GNAI1: variants seen among roughly 807,000 people sequenced by gnomAD.
The protein encoded by GNAI1 is guanine nucleotide-binding protein G(i) subunit alpha-1.
Under a neutral mutation model 38.9 loss-of-function variants are expected in GNAI1, and 11 were observed. That is an observed-to-expected ratio of 0.28 (90% CI 0.18 to 0.47). The LOEUF is 0.47. Among genes scored for constraint, GNAI1 ranks in the 20% least tolerant of loss-of-function variants. GNAI1 has a pLI of 0.99. For missense variants in GNAI1, 317 were observed against 436.9 expected, an observed-to-expected ratio of 0.73 and a Z score of 2.45; for synonymous variants, 166 against 145.1, an observed-to-expected ratio of 1.14 and a Z score of -1.04.
rs1789057892 is a variant in GNAI1 at position 80,220,715 on chromosome 7, A to T, written c.*3222A>T. ...CCATATGTTCTCATTGAATACTGAC[A>T]GTAACTAGAGATCAAAAAAGGCTTA... On this transcript the variant is annotated 3_prime_UTR_variant, in exon 8 of 8. Transcript: ENST00000649796. 6.6e-6 allele frequency among the ~76,000 whole-genome samples: 1 copy of T among 152,232 alleles called. No individual in the cohort carries two copies. The highest frequency in any genetic ancestry group is 6.5e-5 in the Admixed American group (1 of 15,288).
intron 3 of GNAI1, among the ~76,000 whole-genome samples, chr7:80,197,090 C>T (rs1442314359): frequency 6.6e-6 from 1 of 151,564 alleles, no homozygotes; most frequent in Non-Finnish European, 1.5e-5. Flanking sequence ...TCTTTCCTCT[C>T]CCTCCTCTCC....
At position 80,189,180 on chromosome 7, in the gene GNAI1, C is replaced by T. The variant is rs1788437530; in HGVS notation, c.252C>T (p.Ile84=). Reference sequence around the variant, plus strand: ...ACACCATCCAGTCAATTATTGCTATCATTAGGGCTATGGGGAGGTTGAAGA... The same window carrying T: ...ACACCATCCAGTCAATTATTGCTATTATTAGGGCTATGGGGAGGTTGAAGA... ...YSNTIQSIIA[I]IRAMGRLKID... Residue 84 remains isoleucine (I), a synonymous_variant, in exon 3 of 8, where the codon ATC becomes ATT. Coordinates refer to ENST00000649796, the MANE Select transcript of GNAI1 (RefSeq NM_002069.6). The T allele has an allele frequency of 1.2e-6, 2 of 1,608,392 alleles. No homozygotes were observed. The highest frequency in any genetic ancestry group is 1.7e-6 in the Non-Finnish European group (2 of 1,178,272).
chr7:80,164,528 A>AT (rs1562828939), intron 1 of GNAI1, among the ~76,000 whole-genome samples: 2 of 150,652 alleles, frequency 1.3e-5, no homozygotes, highest in African/African-American at 4.9e-5. Context: ...CACCCGGCTA[A>AT]TTTTTTTGTA....
intron 1 of GNAI1, among the ~76,000 whole-genome samples, chr7:80,140,148 T>C (rs575805828): frequency 6.6e-6 from 1 of 152,076 alleles, no homozygotes; most frequent in Admixed American, 6.5e-5. Flanking sequence ...CACGCCCGGC[T>C]AATTTTTTTG....
rs572685841 is a variant in GNAI1 at position 80,166,412 on chromosome 7, T to G, written c.119-22539T>G. On this transcript the variant is annotated intron_variant, in intron 1 of 7. Coordinates refer to ENST00000649796, the MANE Select transcript of GNAI1 (RefSeq NM_002069.6). ...TAAAAAAACAGAGGGGGTTACTATT[T>G]CTTTAGATTGTTCTCATTTTAGCAA... Among the ~76,000 whole-genome samples the G allele has an allele frequency of 2.0e-5, 3 of 152,276 alleles. 1 individual carries two copies. In the South Asian group the frequency reaches 6.2e-4, roughly 32 times the overall value.
intron 3 of GNAI1, among the ~76,000 whole-genome samples, chr7:80,195,308 A>G (rs1323915673): frequency 6.6e-6 from 1 of 151,960 alleles, no homozygotes; most frequent in Non-Finnish European, 1.5e-5. Flanking sequence ...TATCTCTGCA[A>G]TTTAGTTAAA....
chr7:80,213,832 C>G lies in GNAI1; in HGVS notation c.874+963C>G, dbSNP rs899148568. On this transcript the variant is annotated intron_variant, in intron 7 of 7. Coordinates refer to ENST00000649796, the MANE Select transcript of GNAI1 (RefSeq NM_002069.6). ...AGAGTTTAGTTATTTACCCTCACCC[C>G]ACTCTTCCTGTTTTTTTTTTTAAAA... 2.0e-5 allele frequency among the ~76,000 whole-genome samples: 3 copies of G among 147,202 alleles called. No homozygotes were observed. The South Asian group carries it at 6.7e-4, about 33-fold the overall frequency.
At chr7:80,201,985 A>T (rs1788692513) in intron 4 of GNAI1, among the ~76,000 whole-genome samples, 1 of 152,172 alleles carries the variant, frequency 6.6e-6, no homozygotes, top group African/African-American at 2.4e-5. Flanking sequence ...TAATCATTTA[A>T]AACAATCAGA....
At chr7:80,164,806 A>G (rs1031414661) in intron 1 of GNAI1, among the ~76,000 whole-genome samples, 1 of 152,198 alleles carries the variant, frequency 6.6e-6, no homozygotes, top group East Asian at 1.9e-4. Flanking sequence ...TTACAAAGAT[A>G]CCAGTAATTG....
chr7:80,141,680 G>A (rs1200929974), intron 1 of GNAI1, among the ~76,000 whole-genome samples: 1 of 152,104 alleles, frequency 6.6e-6, no homozygotes. Context: ...ATGGTGGTCT[G>A]ACAGCATTAT....
At chr7:80,159,796 G>A (rs756356706) in intron 1 of GNAI1, among the ~76,000 whole-genome samples, 19 of 152,106 alleles carry the variant, frequency 1.2e-4, no homozygotes, top group Admixed American at 4.6e-4. Context: ...CAGCTTCCTC[G>A]CTGGTAGTGT....
At chr7:80,135,406 G>A in intron 1 of GNAI1, 128 bp downstream of exon 1, 1 of 517,646 alleles carries the variant, frequency 1.9e-6, no homozygotes, top group Non-Finnish European at 3.2e-6. Context: ...AGCGGGAGCT[G>A]GGTCCGGCGG....
Position 80,199,291 on chromosome 7 carries a change from G to T in GNAI1, c.370G>T (p.Ala124Ser). Residue 124 changes from alanine (A) to serine (S), a missense_variant, in exon 4 of 8, where the codon GCT becomes TCT. This residue lies in a region of GNAI1 where 67 missense variants were observed against 61.5 expected (regional missense o/e 1.09). Coordinates refer to ENST00000649796, the MANE Select transcript of GNAI1 (RefSeq NM_002069.6). ...AGAAGGCTTTATGACTGCAGAACTT[G>T]CTGGAGTTATAAAGAGATTGTGGAA... ...AEEGFMTAEL[A>S]GVIKRLWKDS... The T allele has an allele frequency of 1.9e-6, 3 of 1,612,926 alleles. No individual in the cohort carries two copies. The highest frequency in any genetic ancestry group is 2.5e-6 in the Non-Finnish European group (3 of 1,179,056).
At chr7:80,167,690 T>G (rs1788035348) in intron 1 of GNAI1, among the ~76,000 whole-genome samples, 1 of 152,196 alleles carries the variant, frequency 6.6e-6, no homozygotes, top group Non-Finnish European at 1.5e-5. Context: ...TATAGAATCA[T>G]TTATAGTTCA....
chr7:80,163,966 C>CTTT (rs1313381597), intron 1 of GNAI1, among the ~76,000 whole-genome samples: 5 of 75,032 alleles, frequency 6.7e-5, no homozygotes, highest in African/African-American at 1.0e-4. Flanking sequence ...CTGGTGCTTT[C>CTTT]TTTTTTTTTT....
intron 1 of GNAI1, among the ~76,000 whole-genome samples, chr7:80,147,835 A>G (rs1377245794): frequency 6.6e-6 from 1 of 152,204 alleles, no homozygotes; most frequent in African/African-American, 2.4e-5. Flanking sequence ...GGTTGGGCTT[A>G]GTTGCAGTTA....
At chr7:80,163,882 C>T (rs1179497376) in intron 1 of GNAI1, among the ~76,000 whole-genome samples, 2 of 151,626 alleles carry the variant, frequency 1.3e-5, no homozygotes, top group Non-Finnish European at 2.9e-5. Flanking sequence ...TGGTCCATGC[C>T]TTTTTTCTTG....
At chr7:80,192,698 T>C (rs1479043978) in intron 3 of GNAI1, among the ~76,000 whole-genome samples, 1 of 152,144 alleles carries the variant, frequency 6.6e-6, no homozygotes, top group African/African-American at 2.4e-5. Flanking sequence ...TGGTTTTTTT[T>C]CTGTTTGTTT....
chr7:80,175,441 A>C (rs1788167793), intron 1 of GNAI1, among the ~76,000 whole-genome samples: 1 of 152,126 alleles, frequency 6.6e-6, no homozygotes, highest in Admixed American at 6.6e-5. Flanking sequence ...CCAATTTCCA[A>C]ATCAAACATG....
Sources: gnomAD v4.1 joint callset for allele counts (sites outside exome capture counted in the v4.1 genomes callset) on GRCh38, gnomAD v4.1.1 for gene constraint, gnomAD v4.1.1 regional missense constraint, MANE v1.5 for transcripts, NCBI Gene and HGNC (gene_info 2026-07-23, HGNC 2026-07-21) for gene names.